Variants in PAH observed in about 807,000 individuals in gnomAD.
PAH encodes the protein phenylalanine-4-hydroxylase.
In PAH, 64 loss-of-function variants were observed where a neutral mutation model predicts 62.0. The ratio of observed to expected loss-of-function variants is 1.03; its 90% CI spans 0.84 to 1.27. The LOEUF is 1.27. Among genes scored for constraint, PAH ranks in the 50% most tolerant of loss-of-function variants. PAH has a pLI of 0.00. For synonymous variants in PAH, 195 were observed against 196.2 expected (o/e 0.99, Z 0.05); for missense variants, 579 against 542.8 (o/e 1.07, Z -0.66).
At chr12:102,884,495 C>A (rs1876948839) in intron 3 of PAH, among the ~76,000 whole-genome samples, 1 of 152,212 alleles carries the variant, frequency 6.6e-6, no homozygotes, top group African/African-American at 2.4e-5. Flanking sequence ...TCTTTCCCAC[C>A]CACACAACAT....
At chr12:102,954,081 C>T (rs1879843272), upstream of PAH, among the ~76,000 whole-genome samples, 1 of 152,234 alleles carries the variant, frequency 6.6e-6, no homozygotes, top group African/African-American at 2.4e-5. Context: ...TAAGGACTTG[C>T]TCAGAATCAG....
In PAH at chr12:102,909,786, C is replaced by G. The variant is rs1267816527; in HGVS notation, c.168+3005G>C. Among the ~76,000 whole-genome samples, 5 of 152,244 alleles carry G rather than the reference C, an allele frequency of 3.3e-5. No homozygotes were observed. The East Asian group carries it at 9.7e-4, about 29-fold the overall frequency. ...TCAGCTTGGGCAACATGGTGAAACCCTGTCTCTACTAAAATTATAAAAATT... is the reference window on the plus strand; with the variant it reads ...TCAGCTTGGGCAACATGGTGAAACCGTGTCTCTACTAAAATTATAAAAATT... On this transcript the variant is annotated intron_variant, in intron 2 of 12. Transcript: ENST00000553106.
At chr12:102,924,347 C>G (rs1251372969) in intron 1 of PAH, among the ~76,000 whole-genome samples, 2 of 149,736 alleles carry the variant, frequency 1.3e-5, no homozygotes, top group Non-Finnish European at 2.9e-5. Flanking sequence ...TTAGCAGCAA[C>G]TAGACTGATG....
At chr12:102,905,562 T>C (rs1877942203) in intron 2 of PAH, among the ~76,000 whole-genome samples, 2 of 152,196 alleles carry the variant, frequency 1.3e-5, no homozygotes, top group Admixed American at 6.5e-5. Flanking sequence ...GGTTTTAGCA[T>C]AATAGACCTA....
intron 2 of PAH, among the ~76,000 whole-genome samples, chr12:102,905,317 C>T (rs1023592758): frequency 1.3e-5 from 2 of 152,158 alleles, no homozygotes; most frequent in African/African-American, 4.8e-5. Context: ...CAAATAGCTC[C>T]CTGATTCACC....
chr12:102,958,313 C>G, exon 1 of PAH: 1 of 1,477,202 alleles, frequency 6.8e-7, no homozygotes, highest in South Asian at 1.3e-5. Flanking sequence ...CCCAGCAGCC[C>G]TTCCTGCCGC....
chr12:102,939,180 A>T (rs995018572), intron 1 of PAH, among the ~76,000 whole-genome samples: 12 of 151,592 alleles, frequency 7.9e-5, no homozygotes, highest in African/African-American at 2.9e-4. Context: ...GAACATTTCC[A>T]CTGACAGCCC....
At chr12:102,894,435 A>AG (rs1239015361) in intron 3 of PAH, among the ~76,000 whole-genome samples, 31 of 151,172 alleles carry the variant, frequency 2.1e-4, no homozygotes, top group Admixed American at 9.9e-4. Flanking sequence ...AAAGTAAAAA[A>AG]AAAAAAGAAA....
intron 1 of PAH, among the ~76,000 whole-genome samples, chr12:102,941,337 T>A (rs1879280651): frequency 6.6e-6 from 1 of 152,076 alleles, no homozygotes; most frequent in Admixed American, 6.5e-5. Flanking sequence ...GTAGGCTAAA[T>A]CCCTCCAATT....
At chr12:102,931,065 T>C (rs1290699189) in intron 1 of PAH, among the ~76,000 whole-genome samples, 1 of 152,108 alleles carries the variant, frequency 6.6e-6, no homozygotes, top group Non-Finnish European at 1.5e-5. Flanking sequence ...ACTATAGCGG[T>C]TGATTAGATA....
At chr12:102,862,400 G>C (rs1308401836) in intron 5 of PAH, among the ~76,000 whole-genome samples, 2 of 152,142 alleles carry the variant, frequency 1.3e-5, no homozygotes, top group Non-Finnish European at 2.9e-5. Context: ...CTAATGAAGG[G>C]TGGAGGGTGG....
chr12:102,889,402 CATAGATAGATAGATAGATAGATAG>C (rs10526127), intron 3 of PAH, among the ~76,000 whole-genome samples: 2 of 147,894 alleles, frequency 1.4e-5, no homozygotes, highest in East Asian at 2.0e-4. Flanking sequence ...TCCCAGACAA[CATAGATAGATAGATAGATAGATAG>C]ATAGATAGAT....
At chr12:102,861,966 TAA>T (rs71097947) in intron 5 of PAH, among the ~76,000 whole-genome samples, 4,885 of 128,450 alleles carry the variant, frequency 0.038, 305 homozygotes, top group African/African-American at 0.12. Flanking sequence ...ACTTAAAGTA[TAA>T]AAAAAAAAAA....
intron 11 of PAH, among the ~76,000 whole-genome samples, chr12:102,842,477 C>T (rs76154821): frequency 0.023 from 3,555 of 152,252 alleles, 127 homozygotes; most frequent in African/African-American, 0.08. Context: ...AGTTAGTCCT[C>T]TTTGAAGTCT....
chr12:102,855,189 C>A lies in PAH; in HGVS notation c.653G>T (p.Gly218Val), dbSNP rs62514933. 54 of 1,614,052 alleles carry A rather than the reference C, an allele frequency of 3.3e-5. No individual in the cohort carries two copies. The highest frequency in any genetic ancestry group is 4.4e-5 in the Non-Finnish European group (52 of 1,180,028). Residue 218 changes from glycine to valine, a missense_variant, in exon 6 of 13, where the codon GGC becomes GTC. Physicochemically the swap from Gly to Val is moderately radical, Grantham distance 109. Transcript: ENST00000553106. ...HIFPLLEKYC[G>V]FHEDNIPQLE... ...CTGGGGAATGTTATCTTCATGGAAGCCACAGTACTTTTCAAGAAGTGGAAA... is the reference window on the plus strand; with the variant it reads ...CTGGGGAATGTTATCTTCATGGAAGACACAGTACTTTTCAAGAAGTGGAAA...
chr12:102,876,768 T>A (rs1876581254), intron 4 of PAH, among the ~76,000 whole-genome samples: 1 of 151,660 alleles, frequency 6.6e-6, no homozygotes, highest in Non-Finnish European at 1.5e-5. Flanking sequence ...CGATGAAATA[T>A]CCCCCACCCC....
At chr12:102,881,426 T>A (rs1203362558) in intron 3 of PAH, among the ~76,000 whole-genome samples, 1 of 152,156 alleles carries the variant, frequency 6.6e-6, no homozygotes, top group Non-Finnish European at 1.5e-5. Flanking sequence ...AATGAACATA[T>A]TCATCATCTC....
At chr12:102,920,345 G>T (rs1161203704), upstream of PAH, among the ~76,000 whole-genome samples, 2 of 152,312 alleles carry the variant, frequency 1.3e-5, no homozygotes, top group East Asian at 1.9e-4. Context: ...ACATCTAGAA[G>T]AAGCATCCAC....
chr12:102,864,312 T>C (rs1431609374), intron 5 of PAH, among the ~76,000 whole-genome samples: 3 of 152,114 alleles, frequency 2.0e-5, no homozygotes, highest in Non-Finnish European at 4.4e-5. Context: ...ACATAACTAT[T>C]TGAGATTCTG....
Sources: gnomAD v4.1 joint callset for allele counts (sites outside exome capture counted in the v4.1 genomes callset) on GRCh38, gnomAD v4.1.1 for gene constraint, MANE v1.5 for transcripts, NCBI Gene and HGNC (gene_info 2026-07-23, HGNC 2026-07-21) for gene names.